The following ARHGEF11 variants were observed in gnomAD, a reference collection of about 807,000 sequenced individuals.
ARHGEF11 encodes the protein Rho guanine nucleotide exchange factor 11.
A neutral mutation model predicts 193.7 loss-of-function variants in ARHGEF11; 55 were observed. The observed-to-expected ratio is 0.28, with a 90% CI of 0.23 to 0.36. The LOEUF (loss-of-function observed/expected upper bound fraction) is 0.36, where lower values mean the gene tolerates loss of function less well. ARHGEF11 is among the 10% of genes least tolerant of loss of function. The pLI is 1.00. For missense variants in ARHGEF11, 1,723 were observed against 2,005.6 expected, an observed-to-expected ratio of 0.86 and a Z score of 2.69; for synonymous variants, 693 against 768.0, an observed-to-expected ratio of 0.90 and a Z score of 1.62.
At chr1:156,945,996 C>A in intron 29 of ARHGEF11, 49 bp downstream of exon 29, 1 of 1,488,238 alleles carries the variant, frequency 6.7e-7, no homozygotes, top group South Asian at 1.1e-5. Context: ...GAATGAGGGT[C>A]TGGCACGAGG....
intron 1 of ARHGEF11, among the ~76,000 whole-genome samples, chr1:157,016,302 C>T (rs1046140837): frequency 5.9e-5 from 9 of 152,130 alleles, no homozygotes; most frequent in African/African-American, 2.2e-4. Context: ...TCACTGCAAC[C>T]TCCGCCTCTC....
Position 156,971,835 on chromosome 1 carries a change from G to T in ARHGEF11, c.583-19C>A. The T allele has an allele frequency of 6.2e-7, 1 of 1,605,774 alleles. No individual in the cohort carries two copies. Among genetic ancestry groups the T allele is most frequent in the Non-Finnish European group, 8.5e-7 (1 of 1,174,784 alleles). On this transcript the variant is annotated intron_variant, in intron 7 of 40. Transcript: ENST00000368194. ...AGATACGCTAGGGATGGGTGAGGAGGAGAAGGGGGAGGGGAAAAGGCAGAG... is the reference window on the plus strand; with the variant it reads ...AGATACGCTAGGGATGGGTGAGGAGTAGAAGGGGGAGGGGAAAAGGCAGAG...
At chr1:156,944,931 T>C in intron 30 of ARHGEF11, 88 bp downstream of exon 30, 2 of 1,506,672 alleles carry the variant, frequency 1.3e-6, no homozygotes, top group Non-Finnish European at 1.8e-6. Flanking sequence ...CTCCTACCTC[T>C]AAGACTCTCC....
intron 1 of ARHGEF11, among the ~76,000 whole-genome samples, chr1:157,026,772 CT>C (rs917080726): frequency 3.3e-5 from 5 of 152,202 alleles, no homozygotes; most frequent in African/African-American, 1.2e-4. Context: ...TGTTAAAGCA[CT>C]TTCCAAAATC....
chr1:156,974,459 T>C (rs1662976374), intron 7 of ARHGEF11, among the ~76,000 whole-genome samples: 1 of 152,228 alleles, frequency 6.6e-6, no homozygotes, highest in Admixed American at 6.5e-5. Context: ...TAAATAATTA[T>C]GCTTTGTTTT....
Position 157,027,225 on chromosome 1 carries a change from T to C in ARHGEF11, c.32+17074A>G, listed in dbSNP as rs1041785522. On this transcript the variant is annotated intron_variant, in intron 1 of 40. Transcript: ENST00000368194. ...GGCAAAACCCTGTCTCTACAAAACA[T>C]ACAAAAATTAGCCGAGTGCGGTGGC... 3.3e-5 allele frequency among the ~76,000 whole-genome samples: 5 copies of C among 152,090 alleles called. No homozygotes were observed. In the East Asian group the frequency reaches 7.7e-4, roughly 24 times the overall value.
chr1:157,038,029 CAAAAAAAAAAAA>C (rs145416871), intron 1 of ARHGEF11, among the ~76,000 whole-genome samples: 3 of 45,502 alleles, frequency 6.6e-5, no homozygotes, highest in Non-Finnish European at 1.1e-4. Flanking sequence ...AAGACTGTCT[CAAAAAAAAAAAA>C]AAAAAAAAAA....
At chr1:156,980,910 G>T (rs1571343877) in intron 3 of ARHGEF11, among the ~76,000 whole-genome samples, 2 of 149,708 alleles carry the variant, frequency 1.3e-5, no homozygotes, top group African/African-American at 5.0e-5. Flanking sequence ...TCAGAGAAAA[G>T]GATTAAAACA....
intron 21 of ARHGEF11, among the ~76,000 whole-genome samples, chr1:156,954,380 CAAAAAAA>C (rs559848711): frequency 4.8e-4 from 36 of 75,148 alleles, no homozygotes; most frequent in East Asian, 1.9e-3. Context: ...ACTGTGTCTC[CAAAAAAA>C]AAAAAAAAAA....
chr1:157,041,241 C>T (rs1332410919), intron 1 of ARHGEF11, among the ~76,000 whole-genome samples: 1 of 152,092 alleles, frequency 6.6e-6, no homozygotes, highest in Non-Finnish European at 1.5e-5. Context: ...TCTCTGTTTG[C>T]AATAGCAAAC....
At chr1:156,995,115 C>T (rs1411674787) in intron 1 of ARHGEF11, among the ~76,000 whole-genome samples, 1 of 152,224 alleles carries the variant, frequency 6.6e-6, no homozygotes, top group Non-Finnish European at 1.5e-5. Flanking sequence ...TCTGCCACCA[C>T]GCTCATTTAA....
At chr1:156,996,859 ATTTTTTT>A (rs60592654) in intron 1 of ARHGEF11, among the ~76,000 whole-genome samples, 15 of 93,866 alleles carry the variant, frequency 1.6e-4, no homozygotes, top group African/African-American at 5.3e-4. Context: ...CTCTCTCTCT[ATTTTTTT>A]TTTTTTTTTT....
At chr1:157,021,210 T>C (rs1355105309) in intron 1 of ARHGEF11, among the ~76,000 whole-genome samples, 3 of 152,212 alleles carry the variant, frequency 2.0e-5, no homozygotes, top group Non-Finnish European at 4.4e-5. Context: ...AAGTGGATCC[T>C]TGGCCAACAG....
At chr1:156,969,150 T>TA (rs1373681019) in intron 10 of ARHGEF11, 132 bp downstream of exon 10, 9 of 713,004 alleles carry the variant, frequency 1.3e-5, no homozygotes, top group African/African-American at 1.1e-4. Flanking sequence ...GCACAGTGAT[T>TA]ATATCCTTGG....
chr1:157,008,252 A>G (rs1668097573), intron 1 of ARHGEF11, among the ~76,000 whole-genome samples: 1 of 152,060 alleles, frequency 6.6e-6, no homozygotes, highest in African/African-American at 2.4e-5. Context: ...GTGTCCCCCA[A>G]AATCCCTATG....
chr1:157,036,076 T>A (rs1270056138), intron 1 of ARHGEF11, among the ~76,000 whole-genome samples: 1 of 143,562 alleles, frequency 7.0e-6, no homozygotes, highest in African/African-American at 2.6e-5. Flanking sequence ...TGAATCTATA[T>A]GAATATATAT....
rs1384603508 is a variant in ARHGEF11 at position 156,937,375 on chromosome 1, A to T, written c.4314T>A (p.Pro1438=). The T allele has an allele frequency of 6.2e-7, 1 of 1,609,370 alleles. No homozygotes were observed. Among genetic ancestry groups the T allele is most frequent in the African/African-American group, 1.3e-5 (1 of 74,890 alleles). Residue 1438 remains proline, a synonymous_variant, in exon 39 of 41, where the codon CCT becomes CCA. Coordinates refer to ENST00000368194, the MANE Select transcript of ARHGEF11 (RefSeq NM_198236.3). The part of the protein sequence containing the change: ...SLPAGQTEPQ[P]QLQGGNDDPR... ...GATCATCGTTGCCTCCCTGCAGCTG[A>T]GGCTGAGGCTCTGTCTGCCCTGCAG...
chr1:156,965,427 C>T (rs958872673), intron 11 of ARHGEF11, among the ~76,000 whole-genome samples: 2 of 152,206 alleles, frequency 1.3e-5, no homozygotes, highest in African/African-American at 2.4e-5. Flanking sequence ...CTGCCAGTAA[C>T]AAGGCTAGCC....
intron 7 of ARHGEF11, among the ~76,000 whole-genome samples, chr1:156,975,182 T>C (rs1663088925): frequency 6.6e-6 from 1 of 152,212 alleles, no homozygotes; most frequent in South Asian, 2.1e-4. Context: ...CATAAACAAG[T>C]ATTGTTTAGA....
Sources: gnomAD v4.1 joint callset for allele counts (sites outside exome capture counted in the v4.1 genomes callset) on GRCh38, gnomAD v4.1.1 for gene constraint, MANE v1.5 for transcripts, NCBI Gene and HGNC (gene_info 2026-07-23, HGNC 2026-07-21) for gene names.